DHRSX: variants seen among roughly 807,000 people sequenced by gnomAD.
The protein encoded by DHRSX is polyprenol dehydrogenase.
In DHRSX, 31 loss-of-function variants were observed where a neutral mutation model predicts 34.0. The ratio of observed to expected loss-of-function variants is 0.91; its 90% CI spans 0.69 to 1.23. DHRSX has a LOEUF of 1.23. Ranked by LOEUF, DHRSX falls within the 50% of genes most tolerant of loss-of-function variation. DHRSX has a pLI of 0.00. For synonymous variants in DHRSX, 201 were observed against 183.8 expected, an observed-to-expected ratio of 1.09 and a Z score of -0.76; for missense variants, 414 against 428.1, an observed-to-expected ratio of 0.97 and a Z score of 0.29.
At chrX:2,282,635 A>AGAGAG (rs2041726026) in intron 4 of DHRSX, among the ~76,000 whole-genome samples, 1 of 49,918 alleles carries the variant, frequency 2.0e-5, no homozygotes, top group Non-Finnish European at 5.6e-5. Flanking sequence ...AGAAGAAGGG[A>AGAGAG]AAGGGAGGGA....
intron 3 of DHRSX, among the ~76,000 whole-genome samples, chrX:2,292,966 T>G (rs2041884492): frequency 6.6e-6 from 1 of 152,176 alleles, no homozygotes; most frequent in South Asian, 2.1e-4. Flanking sequence ...TTTATGTTTT[T>G]GGAGACAGGG....
At chrX:2,313,716 A>G (rs34202548) in intron 3 of DHRSX, among the ~76,000 whole-genome samples, 11,342 of 152,170 alleles carry the variant, frequency 0.075, 951 homozygotes, top group African/African-American at 0.2. Context: ...AAATATTTGA[A>G]GAGATTTATT....
chrX:2,494,974 T>C (rs2045245774), intron 1 of DHRSX, among the ~76,000 whole-genome samples: 1 of 151,812 alleles, frequency 6.6e-6, no homozygotes, highest in Non-Finnish European at 1.5e-5. Context: ...TTATTATCAT[T>C]ATTACTACTG....
intron 6 of DHRSX, among the ~76,000 whole-genome samples, chrX:2,224,475 C>A (rs1394575792): frequency 6.6e-6 from 1 of 152,126 alleles, no homozygotes; most frequent in Non-Finnish European, 1.5e-5. Context: ...ACCACCTGTG[C>A]TATGTTGAAA....
Position 2,394,276 on chromosome X carries a change from G to T in DHRSX, c.286+14469C>A, listed in dbSNP as rs752521995. On this transcript the variant is annotated intron_variant, in intron 3 of 6. Transcript: ENST00000334651. ...TGGGCCCAGCTGAGACCCAGGGAGG[G>T]GTATACCTGCCCCACAGGAGAGACC... Among the ~76,000 whole-genome samples the T allele has an allele frequency of 1.7e-3, 262 of 152,284 alleles. 1 individual carries two copies. Among genetic ancestry groups the T allele is most frequent in the Middle Eastern group, 0.014 (4 of 294 alleles).
chrX:2,433,340 G>A (rs2043951367), intron 1 of DHRSX, among the ~76,000 whole-genome samples: 2 of 152,096 alleles, frequency 1.3e-5, no homozygotes, highest in African/African-American at 4.8e-5. Context: ...CAACACATAT[G>A]TTCTCCTTTA....
chrX:2,481,497 C>G (rs2044770102), intron 1 of DHRSX, among the ~76,000 whole-genome samples: 1 of 151,910 alleles, frequency 6.6e-6, no homozygotes, highest in African/African-American at 2.4e-5. Flanking sequence ...GAAACCCCGT[C>G]TCTACGAAAA....
chrX:2,350,751 T>C (rs1258625922), intron 3 of DHRSX, among the ~76,000 whole-genome samples: 1 of 152,160 alleles, frequency 6.6e-6, no homozygotes, highest in African/African-American at 2.4e-5. Context: ...GGTAAGCGTT[T>C]GACCGTGATA....
intron 6 of DHRSX, among the ~76,000 whole-genome samples, chrX:2,222,107 C>T (rs1157367259): frequency 1.3e-5 from 2 of 152,224 alleles, no homozygotes; most frequent in Non-Finnish European, 2.9e-5. Flanking sequence ...CTTCCAGACA[C>T]AGAATCTGCC....
At chrX:2,338,684 C>T (rs942401255) in intron 3 of DHRSX, among the ~76,000 whole-genome samples, 13 of 152,058 alleles carry the variant, frequency 8.5e-5, no homozygotes, top group African/African-American at 1.9e-4. Flanking sequence ...CTCCCCTTCC[C>T]GTTCCACCAT....
intron 1 of DHRSX, among the ~76,000 whole-genome samples, chrX:2,467,873 A>C (rs1268688810): frequency 6.6e-6 from 1 of 151,714 alleles, no homozygotes; most frequent in African/African-American, 2.4e-5. Context: ...ACTCAGGAGA[A>C]TCGCTTGAAC....
intron 1 of DHRSX, among the ~76,000 whole-genome samples, chrX:2,468,515 G>A (rs1461135791): frequency 6.6e-6 from 1 of 152,000 alleles, no homozygotes; most frequent in Non-Finnish European, 1.5e-5. Context: ...ATGTGGCCAA[G>A]GGACCGCCAC....
At chrX:2,392,975 T>C (rs1263749579) in intron 3 of DHRSX, among the ~76,000 whole-genome samples, 1 of 143,918 alleles carries the variant, frequency 6.9e-6, no homozygotes, top group Non-Finnish European at 1.5e-5. Context: ...ATTACAAATA[T>C]ATGTTACAAA....
At chrX:2,269,509 T>C (rs971315094) in intron 4 of DHRSX, among the ~76,000 whole-genome samples, 1 of 152,156 alleles carries the variant, frequency 6.6e-6, no homozygotes, top group African/African-American at 2.4e-5. Flanking sequence ...TTTATGTGCT[T>C]GTATGTGTGT....
chrX:2,300,919 G>C (rs1013744888), intron 3 of DHRSX, among the ~76,000 whole-genome samples: 2 of 152,184 alleles, frequency 1.3e-5, no homozygotes, highest in African/African-American at 2.4e-5. Flanking sequence ...ATTTTATTAA[G>C]TATGCAATTT....
chrX:2,441,005 G>C (rs1007037567), intron 1 of DHRSX, among the ~76,000 whole-genome samples: 1 of 152,172 alleles, frequency 6.6e-6, no homozygotes, highest in Non-Finnish European at 1.5e-5. Flanking sequence ...AGACGACGCA[G>C]ACGGCACCAG....
chrX:2,304,595 C>G (rs1409617434), intron 3 of DHRSX, among the ~76,000 whole-genome samples: 1 of 151,994 alleles, frequency 6.6e-6, no homozygotes, highest in South Asian at 2.1e-4. Flanking sequence ...GTAGCATCTC[C>G]CCAGCCCACC....
chrX:2,432,438 T>G (rs1239257658), intron 1 of DHRSX, among the ~76,000 whole-genome samples: 1 of 152,094 alleles, frequency 6.6e-6, no homozygotes, highest in Non-Finnish European at 1.5e-5. Flanking sequence ...GTACAAAGAT[T>G]GAGAACACAA....
chrX:2,249,452 C>T (rs1218636227), intron 5 of DHRSX, among the ~76,000 whole-genome samples: 2 of 149,900 alleles, frequency 1.3e-5, no homozygotes, highest in Non-Finnish European at 3.0e-5. Flanking sequence ...CCCACCTCGG[C>T]CTCCCAAAGT....
Sources: allele counts gnomAD v4.1 joint callset (sites outside exome capture counted in the v4.1 genomes callset), GRCh38; gene constraint gnomAD v4.1.1; transcripts MANE v1.5; gene names NCBI Gene and HGNC (gene_info 2026-07-23, HGNC 2026-07-21).